KAT6B: variants seen among roughly 807,000 people sequenced by gnomAD.
The protein encoded by KAT6B is lysine acetyltransferase 6B.
A neutral mutation model predicts 187.5 loss-of-function variants in KAT6B; 10 were observed. That is an observed-to-expected ratio of 0.05 (90% CI 0.03 to 0.09). The LOEUF (loss-of-function observed/expected upper bound fraction) is 0.09. Ranked by LOEUF, KAT6B falls within the 10% of genes least tolerant of loss-of-function variation. The pLI is 1.00. For missense variants in KAT6B, 1,952 were observed against 2,558.9 expected, an observed-to-expected ratio of 0.76 and a Z score of 5.12; for synonymous variants, 861 against 926.8, an observed-to-expected ratio of 0.93 and a Z score of 1.29.
At chr10:74,846,563 C>T (rs747296431) in intron 3 of KAT6B, among the ~76,000 whole-genome samples, 5 of 152,068 alleles carry the variant, frequency 3.3e-5, no homozygotes, top group South Asian at 4.1e-4. Context: ...CTTAACTTCC[C>T]GAGTAGCTGG....
chr10:74,891,338 G>A (rs138865950), intron 3 of KAT6B, among the ~76,000 whole-genome samples: 2 of 152,220 alleles, frequency 1.3e-5, no homozygotes, highest in Admixed American at 1.3e-4. Flanking sequence ...AAGACCTTAA[G>A]AATCTGAAAT....
chr10:74,905,359 G>A (rs1846682008), intron 3 of KAT6B, among the ~76,000 whole-genome samples: 3 of 152,206 alleles, frequency 2.0e-5, no homozygotes, highest in African/African-American at 7.2e-5. Flanking sequence ...AAATTAATAA[G>A]TAGAAAGTGT....
At chr10:75,003,544 T>C (rs1844001036) in intron 13 of KAT6B, among the ~76,000 whole-genome samples, 1 of 152,158 alleles carries the variant, frequency 6.6e-6, no homozygotes, top group African/African-American at 2.4e-5. Flanking sequence ...TCCTTGGGCT[T>C]TTGCTGGGTT....
intron 4 of KAT6B, among the ~76,000 whole-genome samples, chr10:74,968,588 A>G (rs955210988): frequency 3.9e-5 from 6 of 152,184 alleles, no homozygotes; most frequent in Non-Finnish European, 8.8e-5. Context: ...GAAATTATAA[A>G]ACAGTTTTGA....
chr10:75,018,439 A>G (rs141356314), intron 13 of KAT6B, among the ~76,000 whole-genome samples: 16 of 152,320 alleles, frequency 1.1e-4, no homozygotes, highest in African/African-American at 2.9e-4. Flanking sequence ...ATGGACCCCA[A>G]GTTGCCTGCT....
chr10:74,854,184 A>G (rs942131239), intron 3 of KAT6B, among the ~76,000 whole-genome samples: 6 of 152,224 alleles, frequency 3.9e-5, no homozygotes, highest in Non-Finnish European at 4.4e-5. Context: ...TGCGTCAGCC[A>G]TGTAATTTGC....
chr10:74,912,639 CT>C (rs1847329079), intron 3 of KAT6B, among the ~76,000 whole-genome samples: 1 of 152,176 alleles, frequency 6.6e-6, no homozygotes, highest in Admixed American at 6.6e-5. Context: ...GTTATAACAG[CT>C]GTGAATACAG....
chr10:74,856,659 G>C (rs2132240143), intron 3 of KAT6B, among the ~76,000 whole-genome samples: 1 of 152,276 alleles, frequency 6.6e-6, no homozygotes, highest in African/African-American at 2.4e-5. Context: ...AGCACTTTGG[G>C]AGGCTAAGAT....
At position 74,972,637 on chromosome 10, in the gene KAT6B, G is replaced by A. The variant is rs376866214; in HGVS notation, c.1059G>A (p.Leu353=). 2 of 1,612,818 alleles carry A rather than the reference G, an allele frequency of 1.2e-6. No homozygotes were observed. Among genetic ancestry groups the A allele is most frequent in the Non-Finnish European group, 1.7e-6 (2 of 1,179,020 alleles). ...CGAAAAATAAATTAAAGCAACGATT[G>A]TTGTAGGTTGAGATCTTATCAAAAG... ...GRPKNKLKQR[L]LSVTSDEGSM... is the part of the protein sequence containing the mutation. Residue 353 remains leucine (L), a splice_region_variant and synonymous_variant, in exon 7 of 18, where the codon TTG becomes TTA. Coordinates refer to ENST00000287239, the MANE Select transcript of KAT6B (RefSeq NM_012330.4).
intron 2 of KAT6B, among the ~76,000 whole-genome samples, chr10:74,841,745 A>G (rs997215854): frequency 1.3e-5 from 2 of 152,220 alleles, no homozygotes; most frequent in Non-Finnish European, 1.5e-5. Context: ...AAGAATTAAG[A>G]AGTGGATGTT....
chr10:74,989,501 G>A (rs1480874113), intron 13 of KAT6B, among the ~76,000 whole-genome samples: 1 of 152,202 alleles, frequency 6.6e-6, no homozygotes, highest in African/African-American at 2.4e-5. Context: ...CTATAATCTT[G>A]TACAGTACAA....
At chr10:74,956,091 T>C (rs1474398163) in intron 3 of KAT6B, among the ~76,000 whole-genome samples, 1 of 152,126 alleles carries the variant, frequency 6.6e-6, no homozygotes, top group Non-Finnish European at 1.5e-5. Flanking sequence ...GCCTGCCTAA[T>C]TTTTTTATTT....
chr10:74,996,371 A>G (rs1351966474), intron 13 of KAT6B, among the ~76,000 whole-genome samples: 5 of 152,218 alleles, frequency 3.3e-5, no homozygotes, highest in Non-Finnish European at 7.3e-5. Context: ...ATTCACAAGC[A>G]TGACTGCGTG....
intron 10 of KAT6B, among the ~76,000 whole-genome samples, chr10:74,980,056 G>C (rs1842411473): frequency 6.6e-6 from 1 of 152,210 alleles, no homozygotes; most frequent in South Asian, 2.1e-4. Context: ...CTACTCGGGA[G>C]GCTGAGGCAG....
At chr10:74,848,614 A>G (rs1842273780) in intron 3 of KAT6B, among the ~76,000 whole-genome samples, 1 of 151,592 alleles carries the variant, frequency 6.6e-6, no homozygotes, top group Admixed American at 6.6e-5. Context: ...ATGTGGCCCT[A>G]GACAATTCTT....
intron 6 of KAT6B, among the ~76,000 whole-genome samples, chr10:74,970,363 C>T (rs1479158603): frequency 6.6e-6 from 1 of 151,988 alleles, no homozygotes; most frequent in Non-Finnish European, 1.5e-5. Flanking sequence ...GACCATCTCT[C>T]TCTCCAAACC....
chr10:74,865,519 C>CTT (rs757471353), intron 3 of KAT6B, among the ~76,000 whole-genome samples: 25 of 143,474 alleles, frequency 1.7e-4, no homozygotes, highest in African/African-American at 6.3e-4. Context: ...ATTATTTTAT[C>CTT]TTTTTTTTTT....
intron 3 of KAT6B, among the ~76,000 whole-genome samples, chr10:74,863,006 T>G (rs1843292289): frequency 6.6e-6 from 1 of 152,212 alleles, no homozygotes; most frequent in Non-Finnish European, 1.5e-5. Context: ...CGTTTCTCTT[T>G]GTGGCTCCTT....
In KAT6B at chr10:75,029,308, A is replaced by C; in HGVS notation, c.4484A>C (p.Asp1495Ala). Residue 1495 changes from aspartate to alanine, a missense_variant, in exon 18 of 18, where the codon GAC becomes GCC. This residue lies in a region of KAT6B where 758 missense variants were observed against 891.4 expected (regional missense o/e 0.85). Coordinates refer to ENST00000287239, the MANE Select transcript of KAT6B (RefSeq NM_012330.4). The surrounding 1 kb of genome is among the most constrained non-coding windows in gnomAD (Gnocchi z 6.2). Reference protein sequence around the residue: ...CNSEPKELAGDPEAVPESDEE... With the variant: ...CNSEPKELAGAPEAVPESDEE... Reference sequence around the variant, plus strand: ...AGTGAGCCCAAGGAGCTTGCTGGGGACCCTGAAGCTGTACCCGAATCTGAC... The same window carrying C: ...AGTGAGCCCAAGGAGCTTGCTGGGGCCCCTGAAGCTGTACCCGAATCTGAC... 2.5e-6 allele frequency: 4 copies of C among 1,614,068 alleles called. No homozygotes were observed. The highest frequency in any genetic ancestry group is 3.4e-6 in the Non-Finnish European group (4 of 1,180,012).
Sources: gnomAD v4.1 joint callset for allele counts (sites outside exome capture counted in the v4.1 genomes callset) on GRCh38, gnomAD v4.1.1 for gene constraint, gnomAD v4.1.1 regional missense constraint, Gnocchi (gnomAD v3.1) non-coding constraint, MANE v1.5 for transcripts, NCBI Gene and HGNC (gene_info 2026-07-23, HGNC 2026-07-21) for gene names.